Variants in PCDH15 observed in about 807,000 individuals in gnomAD.
PCDH15 encodes the protein protocadherin-15.
Under a neutral mutation model 178.5 loss-of-function variants are expected in PCDH15, and 129 were observed. That is an observed-to-expected ratio of 0.72 (90% confidence interval 0.63 to 0.84). PCDH15 has a LOEUF of 0.84. Among genes scored for constraint, PCDH15 ranks in the 40% least tolerant of loss-of-function variants. The pLI is 0.00. For missense variants in PCDH15, 2,230 were observed against 2,099.9 expected, an observed-to-expected ratio of 1.06 and a Z score of -1.21; for synonymous variants, 800 against 732.0, an observed-to-expected ratio of 1.09 and a Z score of -1.50.
At chr10:54,484,266 G>T (rs1367766035) in intron 3 of PCDH15, among the ~76,000 whole-genome samples, 8 of 151,866 alleles carry the variant, frequency 5.3e-5, no homozygotes, top group Non-Finnish European at 1.0e-4. Context: ...TTGACATCCT[G>T]TGTGAAGTTC....
intron 2 of PCDH15, among the ~76,000 whole-genome samples, chr10:55,547,514 T>C (rs1589129930): frequency 6.6e-6 from 1 of 152,026 alleles, no homozygotes; most frequent in African/African-American, 2.4e-5. Flanking sequence ...CTGCAACACA[T>C]AGAGAGCAAG....
chr10:53,954,318 T>A (rs550932659), intron 23 of PCDH15, among the ~76,000 whole-genome samples: 1 of 152,206 alleles, frequency 6.6e-6, no homozygotes, highest in African/African-American at 2.4e-5. Flanking sequence ...TATTTTACAA[T>A]TTTGGAAGAA....
chr10:55,401,547 A>G (rs1385653898), intron 2 of PCDH15, among the ~76,000 whole-genome samples: 4 of 150,836 alleles, frequency 2.7e-5, no homozygotes, highest in Non-Finnish European at 5.9e-5. Context: ...GATTGGGATC[A>G]CTAACGGACA....
intron 1 of PCDH15, among the ~76,000 whole-genome samples, chr10:55,209,560 T>C (rs932725799): frequency 6.6e-6 from 1 of 151,946 alleles, no homozygotes; most frequent in Non-Finnish European, 1.5e-5. Context: ...AAAACTGTCA[T>C]AACTTAGTAT....
intron 2 of PCDH15, among the ~76,000 whole-genome samples, chr10:55,144,025 C>T (rs1444668): frequency 6.6e-6 from 1 of 150,934 alleles, no homozygotes; most frequent in African/African-American, 2.4e-5. Flanking sequence ...GGAAAAAAAA[C>T]ACACAACATA....
At chr10:53,960,519 G>C (rs916421487) in intron 22 of PCDH15, among the ~76,000 whole-genome samples, 1 of 152,094 alleles carries the variant, frequency 6.6e-6, no homozygotes, top group Non-Finnish European at 1.5e-5. Flanking sequence ...CACTGCAATA[G>C]GATTTATAAT....
chr10:54,364,662 G>C (rs950866097), intron 5 of PCDH15, among the ~76,000 whole-genome samples: 2 of 151,662 alleles, frequency 1.3e-5, no homozygotes, highest in African/African-American at 4.8e-5. Context: ...TTTTGCATTA[G>C]TTTTCTATTG....
rs1161796098 is a variant in PCDH15 at position 54,586,786 on chromosome 10, A to G, written c.92-58909T>C. On this transcript the variant is annotated intron_variant, in intron 2 of 37. Coordinates refer to ENST00000644397, the MANE Select transcript of PCDH15 (RefSeq NM_001384140.1). ...TGGGATTACAGGCATGAGCCACCACACCTGGACGGATGTGCCATAGTTTGT... is the reference window on the plus strand; with the variant it reads ...TGGGATTACAGGCATGAGCCACCACGCCTGGACGGATGTGCCATAGTTTGT... Among the ~76,000 whole-genome samples the G allele has an allele frequency of 2.0e-5, 3 of 152,042 alleles. No homozygotes were observed. The South Asian group carries it at 6.2e-4, about 32-fold the overall frequency.
In PCDH15 at chr10:55,054,111, C is replaced by T. The variant is rs188242543; in HGVS notation, c.-80+112465G>A. On this transcript the variant is annotated intron_variant, in intron 2 of 5. Transcript: ENST00000458638. Reference sequence around the variant, plus strand: ...AGCCTAGTACTCACTAGTTATTTTCCCTGATCCTTTTCTTCTGTTGGAAGG... The same window carrying T: ...AGCCTAGTACTCACTAGTTATTTTCTCTGATCCTTTTCTTCTGTTGGAAGG... Among the ~76,000 whole-genome samples the T allele has an allele frequency of 3.9e-4, 59 of 152,136 alleles. No individual in the cohort carries two copies. In the East Asian group the frequency reaches 7.7e-3, roughly 20 times the overall value.
At chr10:54,971,215 A>G (rs969514474) in intron 2 of PCDH15, among the ~76,000 whole-genome samples, 2 of 152,148 alleles carry the variant, frequency 1.3e-5, no homozygotes, top group Non-Finnish European at 2.9e-5. Flanking sequence ...CTTAATTCCT[A>G]AGGCAATAGT....
intron 1 of PCDH15, among the ~76,000 whole-genome samples, chr10:54,785,898 C>T (rs185911318): frequency 7.4e-4 from 112 of 151,980 alleles, no homozygotes; most frequent in African/African-American, 2.4e-3. Context: ...GCCATCAGCA[C>T]CCCCTTCTCT....
At chr10:54,671,078 C>A (rs1158319171) in intron 1 of PCDH15, among the ~76,000 whole-genome samples, 3 of 151,926 alleles carry the variant, frequency 2.0e-5, no homozygotes, top group Admixed American at 6.6e-5. Context: ...TTGAAAGGAG[C>A]AAGCAAAGGG....
chr10:54,768,094 A>T (rs1948712884), intron 1 of PCDH15, among the ~76,000 whole-genome samples: 1 of 152,040 alleles, frequency 6.6e-6, no homozygotes, highest in Non-Finnish European at 1.5e-5. Flanking sequence ...TGTAAATCTA[A>T]TTTTTTTCTA....
At chr10:54,083,004 A>G (rs1400778606) in intron 16 of PCDH15, among the ~76,000 whole-genome samples, 1 of 152,150 alleles carries the variant, frequency 6.6e-6, no homozygotes, top group Non-Finnish European at 1.5e-5. Flanking sequence ...AAAGCATATG[A>G]AAATATGTCA....
At chr10:54,137,401 C>T (rs944707696) in intron 14 of PCDH15, among the ~76,000 whole-genome samples, 4 of 152,062 alleles carry the variant, frequency 2.6e-5, no homozygotes, top group Non-Finnish European at 5.9e-5. Flanking sequence ...ACTCTTGAAA[C>T]CTACCCAATA....
chr10:55,305,137 C>T (rs1375579388), intron 1 of PCDH15, among the ~76,000 whole-genome samples: 1 of 152,174 alleles, frequency 6.6e-6, no homozygotes, highest in Non-Finnish European at 1.5e-5. Context: ...TCTGATCTAT[C>T]TATCCCTTTG....
chr10:54,749,682 T>C (rs558292661), intron 1 of PCDH15, among the ~76,000 whole-genome samples: 2 of 152,290 alleles, frequency 1.3e-5, no homozygotes, highest in Admixed American at 6.5e-5. Flanking sequence ...AGCTGAGTAC[T>C]TTGGCTTATT....
At chr10:53,980,832 T>G (rs1385884744) in intron 21 of PCDH15, among the ~76,000 whole-genome samples, 1 of 152,210 alleles carries the variant, frequency 6.6e-6, no homozygotes, top group East Asian at 1.9e-4. Flanking sequence ...AGGAAGAACA[T>G]GATTTATGAC....
In PCDH15 at chr10:54,132,996, C is replaced by A; in HGVS notation, c.1796G>T (p.Cys599Phe). The A allele has an allele frequency of 1.2e-6, 2 of 1,614,016 alleles. No individual in the cohort carries two copies. Among genetic ancestry groups the A allele is most frequent in the African/African-American group, 1.3e-5 (1 of 75,022 alleles). Residue 599 changes from cysteine to phenylalanine, a missense_variant, in exon 15 of 38, where the codon TGC becomes TTC. Physicochemically the swap from Cys to Phe is radical, Grantham distance 205 (BLOSUM62 -2). Transcript: ENST00000644397. ...TGGAAGCACTTCAATATACACAGTGCAGATGGAGTTCCTGCAGAGAAAGAG... is the reference window on the plus strand; with the variant it reads ...TGGAAGCACTTCAATATACACAGTGAAGATGGAGTTCCTGCAGAGAAAGAG... The part of the protein sequence containing the change: ...APPAERRNSI[C>F]TVYIEVLPPN...
Sources: allele counts gnomAD v4.1 joint callset (sites outside exome capture counted in the v4.1 genomes callset), GRCh38; gene constraint gnomAD v4.1.1; transcripts MANE v1.5; gene names NCBI Gene and HGNC (gene_info 2026-07-23, HGNC 2026-07-21).